PCDHGB1: variants seen among roughly 807,000 people sequenced by gnomAD.
PCDHGB1 encodes the protein protocadherin gamma-B1.
In PCDHGB1, 34 loss-of-function variants were observed where a neutral mutation model predicts 56.6. The observed-to-expected ratio is 0.60, with a 90% CI of 0.46 to 0.80. The LOEUF (loss-of-function observed/expected upper bound fraction) is 0.80, where lower values mean the gene tolerates loss of function less well. Ranked by LOEUF, PCDHGB1 falls within the 30% of genes least tolerant of loss-of-function variation. The pLI, the probability that PCDHGB1 is intolerant of heterozygous loss-of-function variation, is 0.00. For synonymous variants in PCDHGB1, 561 were observed against 505.9 expected (o/e 1.11, Z -1.46); for missense variants, 1,278 against 1,204.6 (o/e 1.06, Z -0.90).
chr5:141,354,647 C>T (rs1183360310), intron 1 of PCDHGB1, among the ~76,000 whole-genome samples: 1 of 152,198 alleles, frequency 6.6e-6, no homozygotes, highest in Non-Finnish European at 1.5e-5. Flanking sequence ...ATCCATTTTT[C>T]AAGTCCACCT....
rs369227522 is a variant in PCDHGB1, at chr5:141,351,170, G to A, written c.910G>A (p.Asp304Asn). Residue 304 changes from aspartate to asparagine, a missense_variant, in exon 1 of 4, where the codon GAT (aspartate) becomes AAT (asparagine). Asp to Asn is a conservative substitution (Grantham distance 23). Transcript: ENST00000523390. ...CGACATCACAACCAATGGCACATTG[G>A]ATTTTGAAGAGACAAGTAGATATGT... ...TGDITTNGTL[D>N]FEETSRYVLS... 2.5e-6 allele frequency: 4 copies of A among 1,614,038 alleles called. No individual in the cohort carries two copies. Among genetic ancestry groups the A allele is most frequent in the Non-Finnish European group, 3.4e-6 (4 of 1,179,906 alleles).
chr5:141,470,748 A>C (rs1163686396), intron 1 of PCDHGB1, among the ~76,000 whole-genome samples: 1 of 152,106 alleles, frequency 6.6e-6, no homozygotes. Flanking sequence ...CCCTGGCTGG[A>C]GTGCAGTGGA....
intron 1 of PCDHGB1, chr5:141,419,646 C>T (rs1433992932): frequency 6.2e-7 from 1 of 1,612,470 alleles, no homozygotes; most frequent in Admixed American, 1.7e-5. Flanking sequence ...GCCGTGGACG[C>T]GGACTCGGGG....
At position 141,476,639 on chromosome 5, in the gene PCDHGB1, A is replaced by G; in HGVS notation, c.2410-18168A>G. 1.2e-6 allele frequency: 2 copies of G among 1,614,206 alleles called. No individual in the cohort carries two copies. Among genetic ancestry groups the G allele is most frequent in the Non-Finnish European group, 1.7e-6 (2 of 1,180,038 alleles). On this transcript the variant is annotated intron_variant, in intron 1 of 3. Transcript: ENST00000523390. The surrounding 1 kb of genome is among the most constrained non-coding windows in gnomAD (Gnocchi z 7.6). ...CAACTCTTTACAAACCTATGAGCTG[A>G]GCCGAAATGAATACTTTGCGCTTCG...
intron 1 of PCDHGB1, chr5:141,392,978 C>T: frequency 1.9e-6 from 3 of 1,613,808 alleles, no homozygotes; most frequent in South Asian, 1.1e-5. Context: ...TGGGGCTGGA[C>T]CCCCGGAAGC....
rs752472089 is a variant in PCDHGB1, at chr5:141,389,501, G to T, written c.2409+36832G>T. The T allele has an allele frequency of 3.7e-6, 6 of 1,612,948 alleles. No individual in the cohort carries two copies. In the East Asian group the frequency reaches 6.7e-5, roughly 18 times the overall value. On this transcript the variant is annotated intron_variant, in intron 1 of 3. Transcript: ENST00000523390. Reference sequence around the variant, plus strand: ...AGGCCCGCGACCAGGGCTCGCCAGCGCTCAGCGCGAACGTGAGCCTGCGCG... The same window carrying T: ...AGGCCCGCGACCAGGGCTCGCCAGCTCTCAGCGCGAACGTGAGCCTGCGCG...
chr5:141,395,259 C>A, intron 1 of PCDHGB1: 1 of 1,551,968 alleles, frequency 6.4e-7, no homozygotes, highest in South Asian at 1.2e-5. Context: ...TCTTTGCTTG[C>A]TTTTAATTTC....
intron 1 of PCDHGB1, chr5:141,478,344 A>G: frequency 6.2e-7 from 1 of 1,613,882 alleles, no homozygotes; most frequent in Non-Finnish European, 8.5e-7. Context: ...CCCTCCTTGC[A>G]CGCGGACGCC....
chr5:141,372,041 C>A (rs779511565), intron 1 of PCDHGB1: 1 of 1,613,374 alleles, frequency 6.2e-7, no homozygotes, highest in Non-Finnish European at 8.5e-7. Flanking sequence ...TGAGCCTGCG[C>A]GTGTTGGTGG....
At chr5:141,452,065 T>A (rs185791618) in intron 1 of PCDHGB1, among the ~76,000 whole-genome samples, 1 of 152,332 alleles carries the variant, frequency 6.6e-6, no homozygotes, top group Non-Finnish European at 1.5e-5. Flanking sequence ...TTATTCTACT[T>A]TTATTAGTTG....
At chr5:141,425,822 A>G (rs1257213242) in intron 1 of PCDHGB1, among the ~76,000 whole-genome samples, 1 of 152,240 alleles carries the variant, frequency 6.6e-6, no homozygotes, top group Non-Finnish European at 1.5e-5. Context: ...GAAAAAAACA[A>G]ACTTTTAAAT....
At chr5:141,355,451 T>A (rs1759859911) in intron 1 of PCDHGB1, 3 of 1,613,958 alleles carry the variant, frequency 1.9e-6, no homozygotes, top group Non-Finnish European at 2.5e-6. Flanking sequence ...AGCGGCACCT[T>A]GGTCACCGCG....
rs763433178 is a variant in PCDHGB1, at chr5:141,409,635, A to G, written c.2409+56966A>G. On this transcript the variant is annotated intron_variant, in intron 1 of 3. Transcript: ENST00000523390. ...TCCATTGCGCAAGTGAGCGCCTCTG[A>G]CCCGGATTTGGGGCTCAATGGCCAC... 3 of 1,613,784 alleles carry G rather than the reference A, an allele frequency of 1.9e-6. No individual in the cohort carries two copies. The South Asian group carries it at 3.3e-5, about 18-fold the overall frequency.
intron 1 of PCDHGB1, among the ~76,000 whole-genome samples, chr5:141,368,405 A>T (rs1414658123): frequency 1.3e-5 from 2 of 152,154 alleles, no homozygotes; most frequent in Admixed American, 1.3e-4. Flanking sequence ...ACACACATAC[A>T]TACACACATG....
intron 1 of PCDHGB1, chr5:141,403,212 CG>C (rs1561686781): frequency 6.2e-7 from 1 of 1,613,952 alleles, no homozygotes; most frequent in African/African-American, 1.3e-5. Context: ...TTGGTCACCG[CG>C]GGTAGGATAG....
rs767197233 is a variant in PCDHGB1, at chr5:141,418,642, C to T, written c.2409+65973C>T. On this transcript the variant is annotated intron_variant, in intron 1 of 3. Coordinates refer to ENST00000523390, the MANE Select transcript of PCDHGB1 (RefSeq NM_018922.3). ...AAGACGTGCCTCCAGGCACCTCCAT[C>T]CTGAGAGTGAAGGCCACTGACCAGG... The T allele has an allele frequency of 2.3e-5, 37 of 1,614,028 alleles. No individual in the cohort carries two copies. In the South Asian group the frequency reaches 3.6e-4, roughly 16 times the overall value.
chr5:141,371,300 C>G, intron 1 of PCDHGB1: 1 of 1,613,950 alleles, frequency 6.2e-7, no homozygotes, highest in Non-Finnish European at 8.5e-7. Context: ...GGGAACTCAC[C>G]ACTATTGGAG....
intron 1 of PCDHGB1, chr5:141,404,077 C>T: frequency 6.2e-7 from 1 of 1,613,742 alleles, no homozygotes; most frequent in East Asian, 2.2e-5. Flanking sequence ...ATGACCGAGA[C>T]TCCGGGAAGA....
chr5:141,438,631 TATATACACACAC>T (rs1290318462), intron 1 of PCDHGB1, among the ~76,000 whole-genome samples: 214 of 43,192 alleles, frequency 5.0e-3, no homozygotes, highest in Non-Finnish European at 6.1e-3. Flanking sequence ...TATATATATA[TATATACACACAC>T]ACACACACAT....
Sources: gnomAD v4.1 joint callset for allele counts (sites outside exome capture counted in the v4.1 genomes callset) on GRCh38, gnomAD v4.1.1 for gene constraint, Gnocchi (gnomAD v3.1) non-coding constraint, MANE v1.5 for transcripts, NCBI Gene and HGNC (gene_info 2026-07-23, HGNC 2026-07-21) for gene names.